The following HEMK2 variants were observed in gnomAD, a reference collection of about 807,000 sequenced individuals.
HEMK2 encodes the protein HemK methyltransferase 2, ETF1 glutamine and histone H4 lysine.
At chr21:28,829,384 T>C in the HEMK2 span, among the ~76,000 whole-genome samples, 27,058 of 152,146 alleles carry the variant, frequency 0.18, 3,030 homozygotes, top group East Asian at 0.4. Flanking sequence ...ATGAGGGCTC[T>C]GCATTTATGA....
the HEMK2 span, among the ~76,000 whole-genome samples, chr21:28,864,926 A>ATAGG: frequency 1.6e-5 from 2 of 124,642 alleles, no homozygotes; most frequent in Non-Finnish European, 3.7e-5. Flanking sequence ...AGATAGATAG[A>ATAGG]CAGACAGACA....
the HEMK2 span, among the ~76,000 whole-genome samples, chr21:28,628,062 T>C: frequency 1.3e-5 from 2 of 152,196 alleles, no homozygotes; most frequent in Admixed American, 1.3e-4. Context: ...ACTTTCATTT[T>C]CAATAAATCT....
chr21:28,848,386 C>A, the HEMK2 span, among the ~76,000 whole-genome samples: 1 of 151,874 alleles, frequency 6.6e-6, no homozygotes, highest in African/African-American at 2.4e-5. Flanking sequence ...TCTAGGCATA[C>A]AATATTATCA....
the HEMK2 span, among the ~76,000 whole-genome samples, chr21:28,790,985 T>TA: frequency 1.1e-4 from 16 of 151,724 alleles, no homozygotes; most frequent in South Asian, 1.9e-3. Flanking sequence ...AGTATAATAA[T>TA]AAAAAAAAGA....
chr21:28,771,280 G>A, the HEMK2 span, among the ~76,000 whole-genome samples: 1 of 152,138 alleles, frequency 6.6e-6, no homozygotes, highest in Non-Finnish European at 1.5e-5. Context: ...TATACTCTCT[G>A]GAGTTACGAT....
chr21:28,640,096 T>G, the HEMK2 span, among the ~76,000 whole-genome samples: 2 of 152,156 alleles, frequency 1.3e-5, no homozygotes, highest in African/African-American at 4.8e-5. Context: ...CTCTGGCACA[T>G]GGAAAATAAC....
the HEMK2 span, among the ~76,000 whole-genome samples, chr21:28,612,654 C>T: frequency 6.6e-6 from 1 of 152,226 alleles, no homozygotes; most frequent in East Asian, 1.9e-4. Flanking sequence ...TCACTGTTTG[C>T]TGATGATGAC....
the HEMK2 span, among the ~76,000 whole-genome samples, chr21:28,784,964 G>A: frequency 2.8e-4 from 42 of 152,234 alleles, no homozygotes; most frequent in Non-Finnish European, 4.9e-4. Flanking sequence ...GAAGATCTGC[G>A]GCTTCACTCC....
the HEMK2 span, among the ~76,000 whole-genome samples, chr21:28,803,976 CT>C: frequency 6.6e-6 from 1 of 152,226 alleles, no homozygotes; most frequent in Admixed American, 6.5e-5. Flanking sequence ...GTTATCAACA[CT>C]GTACTGCTAA....
chr21:28,825,428 C>T, the HEMK2 span, among the ~76,000 whole-genome samples: 7 of 152,308 alleles, frequency 4.6e-5, no homozygotes, highest in South Asian at 8.3e-4. Context: ...AAGGTGATGT[C>T]TTGGCACTAG....
At chr21:28,594,179 G>C in the HEMK2 span, among the ~76,000 whole-genome samples, 5 of 152,042 alleles carry the variant, frequency 3.3e-5, no homozygotes, top group Admixed American at 6.5e-5. Flanking sequence ...ACTCAAAACT[G>C]TCAAGGTAAT....
At chr21:28,842,989 T>A in the HEMK2 span, among the ~76,000 whole-genome samples, 1 of 152,166 alleles carries the variant, frequency 6.6e-6, no homozygotes, top group Non-Finnish European at 1.5e-5. Flanking sequence ...GACAGTTTGG[T>A]CTTGATAAAA....
chr21:28,767,238 G>A, the HEMK2 span, among the ~76,000 whole-genome samples: 1 of 151,940 alleles, frequency 6.6e-6, no homozygotes, highest in Non-Finnish European at 1.5e-5. Flanking sequence ...ACATGGAACT[G>A]TACGTAAGTC....
the HEMK2 span, among the ~76,000 whole-genome samples, chr21:28,884,882 T>C: frequency 5.3e-5 from 8 of 152,224 alleles, no homozygotes; most frequent in African/African-American, 1.7e-4. Context: ...GAATATTTTG[T>C]TTCCAAACGT....
chr21:28,880,093 T>C, the HEMK2 span: 1 of 476,066 alleles, frequency 2.1e-6, no homozygotes, highest in South Asian at 6.5e-5. Context: ...AAATGAAGTA[T>C]TTTTATGTTT....
the HEMK2 span, among the ~76,000 whole-genome samples, chr21:28,881,742 G>A: frequency 2.7e-5 from 4 of 149,836 alleles, no homozygotes; most frequent in South Asian, 2.1e-4. Flanking sequence ...AGTGATCCTC[G>A]CATCTCAGCC....
chr21:28,694,188 C>T, the HEMK2 span, among the ~76,000 whole-genome samples: 23 of 152,198 alleles, frequency 1.5e-4, no homozygotes, highest in African/African-American at 5.5e-4. Flanking sequence ...ACCAAGTACA[C>T]TCTGAGGCTT....
At chr21:28,831,698 G>A in the HEMK2 span, among the ~76,000 whole-genome samples, 14 of 84,446 alleles carry the variant, frequency 1.7e-4, no homozygotes, top group South Asian at 4.2e-4. Flanking sequence ...AAGGAAGGAA[G>A]GAAGGAAGGA....
the HEMK2 span, among the ~76,000 whole-genome samples, chr21:28,625,812 C>G: frequency 8.0e-6 from 1 of 125,246 alleles, no homozygotes; most frequent in South Asian, 2.6e-4. Context: ...GGGAATGATA[C>G]CAGATGGAAA....
Sources: gnomAD v4.1 joint callset for allele counts (sites outside exome capture counted in the v4.1 genomes callset) on GRCh38, gnomAD v4.1.1 for gene constraint, MANE v1.5 for transcripts, NCBI Gene and HGNC (gene_info 2026-07-23, HGNC 2026-07-21) for gene names.